Variants in GPC5 observed in about 807,000 individuals in gnomAD.
GPC5 encodes glypican 5, also known as glypican-5.
GPC5 carries 47 observed loss-of-function variants against 53.9 expected under a neutral mutation model. The observed-to-expected ratio is 0.87, with a 90% CI of 0.69 to 1.11. GPC5 has a LOEUF of 1.11. Among genes scored for constraint, GPC5 ranks in the 50% most tolerant of loss-of-function variants. The probability of loss-of-function intolerance (pLI) is 0.00; values close to 1 mark genes in which losing one functional copy is unlikely to be tolerated. For synonymous variants in GPC5, 286 were observed against 263.3 expected (o/e 1.09, Z -0.84); for missense variants, 748 against 713.1 (o/e 1.05, Z -0.56).
At chr13:92,355,951 G>A (rs571834049) in intron 7 of GPC5, among the ~76,000 whole-genome samples, 62 of 137,776 alleles carry the variant, frequency 4.5e-4, no homozygotes, top group African/African-American at 1.4e-3. Flanking sequence ...GACTCACATC[G>A]TCTCTTTATG....
intron 7 of GPC5, among the ~76,000 whole-genome samples, chr13:92,283,655 C>T (rs1355661507): frequency 6.6e-6 from 1 of 152,116 alleles, no homozygotes; most frequent in African/African-American, 2.4e-5. Context: ...GGGTACATAA[C>T]AAAATGAAGG....
intron 3 of GPC5, among the ~76,000 whole-genome samples, chr13:91,714,757 A>G (rs1318580554): frequency 6.6e-6 from 1 of 152,186 alleles, no homozygotes; most frequent in Non-Finnish European, 1.5e-5. Flanking sequence ...ATTAAAAAAA[A>G]AAATGAGAAC....
At chr13:91,993,650 T>A (rs1001690892) in intron 6 of GPC5, among the ~76,000 whole-genome samples, 3 of 152,222 alleles carry the variant, frequency 2.0e-5, no homozygotes, top group African/African-American at 7.2e-5. Flanking sequence ...TGTTTCAGGC[T>A]TTATTCAATA....
chr13:92,493,025 T>C (rs1418831505), intron 7 of GPC5, among the ~76,000 whole-genome samples: 1 of 152,226 alleles, frequency 6.6e-6, no homozygotes, highest in Non-Finnish European at 1.5e-5. Flanking sequence ...TGTTGGTTGC[T>C]TTCTGAATTC....
At chr13:91,422,507 G>T (rs938982901) in intron 1 of GPC5, among the ~76,000 whole-genome samples, 1 of 152,020 alleles carries the variant, frequency 6.6e-6, no homozygotes, top group African/African-American at 2.4e-5. Flanking sequence ...ATGGTAGTAG[G>T]TGCCTGTAAT....
intron 7 of GPC5, among the ~76,000 whole-genome samples, chr13:92,785,784 A>G (rs893948086): frequency 6.6e-6 from 1 of 152,198 alleles, no homozygotes; most frequent in Non-Finnish European, 1.5e-5. Context: ...TACTGTGTAA[A>G]TTTGGACAGC....
intron 3 of GPC5, among the ~76,000 whole-genome samples, chr13:91,715,621 A>G (rs370564948): frequency 2.0e-5 from 3 of 152,202 alleles, no homozygotes; most frequent in South Asian, 4.1e-4. Flanking sequence ...GTACCCTTCC[A>G]GACATTTAAA....
chr13:91,787,416 T>A (rs1042263297), intron 5 of GPC5, among the ~76,000 whole-genome samples: 2 of 152,180 alleles, frequency 1.3e-5, no homozygotes, highest in East Asian at 3.8e-4. Context: ...ATGCTTTCTC[T>A]ATCTGAGGTG....
intron 7 of GPC5, among the ~76,000 whole-genome samples, chr13:92,429,623 A>C (rs1566586820): frequency 6.6e-6 from 1 of 151,860 alleles, no homozygotes; most frequent in Non-Finnish European, 1.5e-5. Flanking sequence ...TTCACATATC[A>C]TTTGCTGTTT....
intron 6 of GPC5, among the ~76,000 whole-genome samples, chr13:91,952,131 A>T (rs1312992913): frequency 6.6e-6 from 1 of 152,116 alleles, no homozygotes; most frequent in Non-Finnish European, 1.5e-5. Context: ...TTATGAATAC[A>T]GAAATCAGTC....
At chr13:92,521,130 T>C (rs1881026767) in intron 7 of GPC5, among the ~76,000 whole-genome samples, 1 of 151,968 alleles carries the variant, frequency 6.6e-6, no homozygotes, top group Non-Finnish European at 1.5e-5. Context: ...TAAAAGAGGA[T>C]ATAAACAAGT....
intron 5 of GPC5, among the ~76,000 whole-genome samples, chr13:91,824,474 G>A (rs2038545195): frequency 1.3e-5 from 2 of 152,242 alleles, no homozygotes; most frequent in South Asian, 2.1e-4. Flanking sequence ...ATGGCAAAGT[G>A]AAATGTGAAA....
At chr13:91,771,930 T>TATAATTATTTGAGAA (rs1455427626) in intron 5 of GPC5, among the ~76,000 whole-genome samples, 24 of 152,212 alleles carry the variant, frequency 1.6e-4, no homozygotes, top group Non-Finnish European at 2.8e-4. Context: ...ATGTCAGTTT[T>TATAATTATTTGAGAA]ATAATTATTT....
chr13:91,457,607 G>A (rs1881652385), intron 2 of GPC5, among the ~76,000 whole-genome samples: 1 of 152,216 alleles, frequency 6.6e-6, no homozygotes, highest in African/African-American at 2.4e-5. Flanking sequence ...GACATGAAAT[G>A]GAAGTGCGTA....
chr13:91,944,964 C>T (rs899451801), intron 6 of GPC5, among the ~76,000 whole-genome samples: 2 of 152,156 alleles, frequency 1.3e-5, no homozygotes, highest in Non-Finnish European at 2.9e-5. Flanking sequence ...AGTTAGTTGA[C>T]TGTTTTTGAT....
Position 91,859,352 on chromosome 13 carries a change from AT to A in GPC5, c.1281-48582del, listed in dbSNP as rs138564889. 3.9e-3 allele frequency among the ~76,000 whole-genome samples: 584 copies of A among 151,634 alleles called. 4 individuals are homozygous for A. Among genetic ancestry groups the A allele is most frequent in the African/African-American group, 0.011 (444 of 41,396 alleles). On this transcript the variant is annotated intron_variant, in intron 5 of 7. Transcript: ENST00000377067. ...TTTGGTATGTTGTGTTTCCATTTTC[AT>A]TTGTTTCAGTGAATTTTTCAAGTCA...
chr13:92,403,292 A>G (rs1875640503), intron 7 of GPC5, among the ~76,000 whole-genome samples: 1 of 152,192 alleles, frequency 6.6e-6, no homozygotes, highest in African/African-American at 2.4e-5. Flanking sequence ...ATTAAGTACT[A>G]TAAAAGCAAC....
intron 7 of GPC5, among the ~76,000 whole-genome samples, chr13:92,381,091 T>C (rs1184064839): frequency 6.6e-6 from 1 of 152,176 alleles, no homozygotes; most frequent in African/African-American, 2.4e-5. Flanking sequence ...TTAAATATTT[T>C]AATGTGAACA....
chr13:92,345,068 A>G (rs561089587), intron 7 of GPC5, among the ~76,000 whole-genome samples: 1 of 152,308 alleles, frequency 6.6e-6, no homozygotes, highest in African/African-American at 2.4e-5. Flanking sequence ...ATACAACAGC[A>G]TAATATATCA....
Sources: allele counts gnomAD v4.1 joint callset (sites outside exome capture counted in the v4.1 genomes callset), GRCh38; gene constraint gnomAD v4.1.1; transcripts MANE v1.5; gene names NCBI Gene and HGNC (gene_info 2026-07-23, HGNC 2026-07-21).